CTNNA2: variants seen among roughly 807,000 people sequenced by gnomAD.
CTNNA2 encodes catenin alpha-2.
Under a neutral mutation model 101.0 loss-of-function variants are expected in CTNNA2, and 42 were observed. The ratio of observed to expected loss-of-function variants is 0.42; its 90% confidence interval spans 0.32 to 0.54. The LOEUF (loss-of-function observed/expected upper bound fraction) is 0.54, where lower values mean the gene tolerates loss of function less well. CTNNA2 is among the 20% of genes least tolerant of loss of function. The pLI, the probability that CTNNA2 is intolerant of heterozygous loss-of-function variation, is 0.14. For missense variants in CTNNA2, 871 were observed against 1,223.1 expected (o/e 0.71, Z 4.29); for synonymous variants, 450 against 456.4 (o/e 0.99, Z 0.18).
chr2:80,274,443 G>A (rs1250960849), intron 7 of CTNNA2, among the ~76,000 whole-genome samples: 1 of 152,114 alleles, frequency 6.6e-6, no homozygotes, highest in Non-Finnish European at 1.5e-5. Flanking sequence ...CTGGGCTGTG[G>A]GGATCATATA....
At chr2:79,455,093 G>A (rs1245237107) in intron 4 of CTNNA2, among the ~76,000 whole-genome samples, 1 of 152,132 alleles carries the variant, frequency 6.6e-6, no homozygotes, top group Non-Finnish European at 1.5e-5. Flanking sequence ...AATAAAGGGG[G>A]TGTCTGGGTG....
intron 4 of CTNNA2, among the ~76,000 whole-genome samples, chr2:79,391,012 T>C (rs910172795): frequency 6.6e-6 from 1 of 152,116 alleles, no homozygotes; most frequent in Non-Finnish European, 1.5e-5. Context: ...GAGAGGAAAG[T>C]AGAAAAGCAA....
intron 7 of CTNNA2, among the ~76,000 whole-genome samples, chr2:79,937,534 A>T (rs1169594917): frequency 6.6e-6 from 1 of 152,224 alleles, no homozygotes. Context: ...TTTTCAAATC[A>T]TCTGTATTTA....
At chr2:79,386,184 A>G (rs902054170) in intron 4 of CTNNA2, among the ~76,000 whole-genome samples, 1 of 152,210 alleles carries the variant, frequency 6.6e-6, no homozygotes, top group Non-Finnish European at 1.5e-5. Context: ...TTTTTAACAC[A>G]TATCTCCGTA....
chr2:79,955,333 C>T (rs980273247), intron 7 of CTNNA2, among the ~76,000 whole-genome samples: 42 of 152,080 alleles, frequency 2.8e-4, no homozygotes, highest in Non-Finnish European at 4.0e-4. Flanking sequence ...AGGGGAGTTT[C>T]GTGTTATGCT....
At chr2:80,570,173 C>T (rs929828968) in intron 12 of CTNNA2, among the ~76,000 whole-genome samples, 47 of 152,098 alleles carry the variant, frequency 3.1e-4, no homozygotes, top group African/African-American at 1.0e-3. Flanking sequence ...CTCAGCCTCT[C>T]GAGTAGCTGG....
At chr2:80,382,116 C>T (rs990727079) in intron 7 of CTNNA2, among the ~76,000 whole-genome samples, 2 of 152,130 alleles carry the variant, frequency 1.3e-5, no homozygotes, top group Non-Finnish European at 2.9e-5. Context: ...GAAGTCGCAG[C>T]GAGCCACCAA....
Position 79,997,031 on chromosome 2 carries a change from G to A in CTNNA2, c.1056+87234G>A, listed in dbSNP as rs190348979. Among the ~76,000 whole-genome samples, 14 of 152,116 alleles carry A rather than the reference G, an allele frequency of 9.2e-5. No homozygotes were observed. In the East Asian group the frequency reaches 1.5e-3, roughly 17 times the overall value. Reference sequence around the variant, plus strand: ...CAGAGTAAGAACCAGGTCAAAATCCGCCCAGCAAATTTTACCCCCTCTCTT... The same window carrying A: ...CAGAGTAAGAACCAGGTCAAAATCCACCCAGCAAATTTTACCCCCTCTCTT... On this transcript the variant is annotated intron_variant, in intron 7 of 18. Transcript: ENST00000402739.
intron 4 of CTNNA2, among the ~76,000 whole-genome samples, chr2:79,444,146 TG>T (rs1255052110): frequency 6.6e-6 from 1 of 152,042 alleles, no homozygotes; most frequent in Non-Finnish European, 1.5e-5. Flanking sequence ...GTTTGCAGCC[TG>T]GTGAGAGATC....
At chr2:79,637,332 G>A (rs1680142998) in intron 1 of CTNNA2, among the ~76,000 whole-genome samples, 2 of 152,176 alleles carry the variant, frequency 1.3e-5, no homozygotes, top group Admixed American at 1.3e-4. Context: ...GAAGGGATGG[G>A]ATGCAGGAAA....
chr2:79,958,900 G>A (rs956780647), intron 7 of CTNNA2, among the ~76,000 whole-genome samples: 2 of 151,904 alleles, frequency 1.3e-5, no homozygotes, highest in African/African-American at 2.4e-5. Flanking sequence ...AATTTGTTCT[G>A]CATGGTAACC....
At chr2:79,574,718 C>T (rs1320087428) in intron 1 of CTNNA2, among the ~76,000 whole-genome samples, 1 of 152,136 alleles carries the variant, frequency 6.6e-6, no homozygotes, top group Admixed American at 6.6e-5. Context: ...ATTTGTATCC[C>T]TTTAGGTGTA....
chr2:79,868,069 T>C (rs1339723583), intron 4 of CTNNA2, among the ~76,000 whole-genome samples: 1 of 152,186 alleles, frequency 6.6e-6, no homozygotes, highest in Non-Finnish European at 1.5e-5. Context: ...GTAATTTGAC[T>C]TGGGTGCCTA....
intron 7 of CTNNA2, among the ~76,000 whole-genome samples, chr2:80,366,324 A>C (rs1674928509): frequency 6.6e-6 from 1 of 152,160 alleles, no homozygotes; most frequent in African/African-American, 2.4e-5. Context: ...AGGGTTAATC[A>C]AGTTAAACAG....
intron 18 of CTNNA2, among the ~76,000 whole-genome samples, chr2:80,630,337 GTCTC>G (rs1460147235): frequency 2.0e-5 from 3 of 152,084 alleles, no homozygotes; most frequent in South Asian, 2.1e-4. Context: ...TATTTACCTA[GTCTC>G]TCTGTCTCTC....
intron 6 of CTNNA2, 129 bp downstream of exon 6, chr2:79,874,471 G>C: frequency 9.1e-7 from 1 of 1,103,292 alleles, no homozygotes; most frequent in Non-Finnish European, 1.3e-6. Flanking sequence ...TTAATAGTAA[G>C]ATAAACTACA....
chr2:80,339,305 A>G (rs1467460650), intron 7 of CTNNA2, among the ~76,000 whole-genome samples: 1 of 152,138 alleles, frequency 6.6e-6, no homozygotes, highest in African/African-American at 2.4e-5. Flanking sequence ...TTATAGTTTG[A>G]GTTGCATCTA....
At chr2:80,040,708 C>G (rs1176331255) in intron 7 of CTNNA2, among the ~76,000 whole-genome samples, 2 of 152,202 alleles carry the variant, frequency 1.3e-5, no homozygotes, top group Non-Finnish European at 2.9e-5. Flanking sequence ...ACTCCCAGGC[C>G]TCTGTGAATG....
intron 7 of CTNNA2, among the ~76,000 whole-genome samples, chr2:80,074,097 A>G (rs995155114): frequency 6.6e-6 from 1 of 152,330 alleles, no homozygotes; most frequent in African/African-American, 2.4e-5. Flanking sequence ...TAATGTTAGG[A>G]AAAAGACATT....
Sources: gnomAD v4.1 joint callset for allele counts (sites outside exome capture counted in the v4.1 genomes callset) on GRCh38, gnomAD v4.1.1 for gene constraint, MANE v1.5 for transcripts, NCBI Gene and HGNC (gene_info 2026-07-23, HGNC 2026-07-21) for gene names.